CAMK2G: variants seen among roughly 807,000 people sequenced by gnomAD.
CAMK2G encodes the protein calcium/calmodulin dependent protein kinase II gamma.
In CAMK2G, 23 loss-of-function variants were observed where a neutral mutation model predicts 88.7. The observed-to-expected ratio is 0.26, with a 90% CI of 0.19 to 0.37. CAMK2G has a LOEUF of 0.37. Among genes scored for constraint, CAMK2G ranks in the 10% least tolerant of loss-of-function variants. The pLI, the probability that CAMK2G is intolerant of heterozygous loss-of-function variation, is 1.00. For synonymous variants in CAMK2G, 263 were observed against 294.8 expected, an observed-to-expected ratio of 0.89 and a Z score of 1.11; for missense variants, 476 against 780.8, an observed-to-expected ratio of 0.61 and a Z score of 4.65.
chr10:73,820,464 T>A lies in CAMK2G; in HGVS notation c.1250-819A>T, dbSNP rs941682812. 7.2e-4 allele frequency among the ~76,000 whole-genome samples: 53 copies of A among 74,032 alleles called. 1 individual carries two copies. Among genetic ancestry groups the A allele is most frequent in the South Asian group, 2.2e-3 (4 of 1,830 alleles). 48.6% of individuals were successfully genotyped at this position (74,032 alleles called of 152,430 possible). On this transcript the variant is annotated intron_variant, in intron 18 of 22. Transcript: ENST00000423381. ...TCCCAGGACTATCTGGGTTTTATAT[T>A]TATATATATATATATATATATATAT...
intron 14 of CAMK2G, among the ~76,000 whole-genome samples, chr10:73,831,992 C>T (rs1330716081): frequency 1.3e-5 from 2 of 151,384 alleles, no homozygotes; most frequent in Non-Finnish European, 2.9e-5. Flanking sequence ...CTCAAGCAAT[C>T]CTCCCACCTC....
chr10:73,817,561 G>A lies in CAMK2G; in HGVS notation c.1364-7C>T. ...ATGATCTCCTGTTTTCGCACTGTGG[G>A]GGAGAAAAATCCATCAATTTACCTA... On this transcript the variant is annotated splice_region_variant and splice_polypyrimidine_tract_variant and intron_variant, in intron 19 of 22. Transcript: ENST00000423381. 5.6e-6 allele frequency: 9 copies of A among 1,607,266 alleles called. No individual in the cohort carries two copies. The highest frequency in any genetic ancestry group is 7.7e-6 in the Non-Finnish European group (9 of 1,173,758).
Position 73,874,494 on chromosome 10 carries a change from C to A in CAMK2G, c.-33G>T. ...GGCGGGCGGACGCGGCGGTGCAGCC[C>A]GCGCCGACGTCGGTGCACAGTCACC... On this transcript the variant is annotated 5_prime_UTR_variant, in exon 1 of 23. Coordinates refer to ENST00000423381, the MANE Select transcript of CAMK2G (RefSeq NM_001367534.1). The A allele has an allele frequency of 1.4e-6, 2 of 1,448,384 alleles. No homozygotes were observed. The highest frequency in any genetic ancestry group is 2.7e-5 in the South Asian group (2 of 73,110). 89.7% of individuals were successfully genotyped at this position (1,448,384 alleles called of 1,614,324 possible). A position where few individuals can be genotyped will look rare whatever the true frequency, so the allele number is the denominator to read the frequency against.
intron 1 of CAMK2G, chr10:73,873,490 G>A (rs2095918842): frequency 8.8e-6 from 9 of 1,024,440 alleles, no homozygotes; most frequent in South Asian, 4.0e-5. Flanking sequence ...GTTGAAGGTC[G>A]GGGAAGGAAA....
intron 3 of CAMK2G, 67 bp downstream of exon 3, chr10:73,860,763 G>C: frequency 1.8e-6 from 2 of 1,137,834 alleles, no homozygotes; most frequent in Non-Finnish European, 2.7e-6. Context: ...ACACACAAAA[G>C]CAGTGGATAT....
intron 4 of CAMK2G, 169 bp from the exon 5 acceptor site, chr10:73,852,488 G>C (rs1164425567): frequency 1.6e-6 from 1 of 618,190 alleles, no homozygotes; most frequent in Non-Finnish European, 2.9e-6. Context: ...GTGACACCCG[G>C]ATTCTCCTTG....
chr10:73,821,264 CA>C lies in CAMK2G; in HGVS notation c.1249+417del, dbSNP rs559064836. Among the ~76,000 whole-genome samples the C allele has an allele frequency of 4.9e-3, 744 of 152,196 alleles. 1 individual carries two copies. The highest frequency in any genetic ancestry group is 8.1e-3 in the Non-Finnish European group (551 of 68,024). ...GTGTGAGCCAGCACTCCTGGCCCAT[CA>C]CAGTCTTAAAACCAAAAGTTCTGTG... On this transcript the variant is annotated intron_variant, in intron 18 of 22. Coordinates refer to ENST00000423381, the MANE Select transcript of CAMK2G (RefSeq NM_001367534.1).
intron 21 of CAMK2G, 45 bp downstream of exon 21, chr10:73,816,978 G>C: frequency 6.2e-7 from 1 of 1,613,982 alleles, no homozygotes; most frequent in South Asian, 1.1e-5. Context: ...AGACAAAGGG[G>C]TAAAGGGGCA....
In CAMK2G at chr10:73,829,266, TTTTATTTA is replaced by T. The variant is rs55861420; in HGVS notation, c.1054-1153_1054-1146del. Among the ~76,000 whole-genome samples the T allele has an allele frequency of 3.4e-3, 473 of 141,024 alleles. 2 individuals carry two copies. The highest frequency in any genetic ancestry group is 7.4e-3 in the South Asian group (32 of 4,322). The allele number at this position is 141,024 out of a possible 152,430, so 92.5% of individuals were successfully genotyped here. A position where few individuals can be genotyped will look rare whatever the true frequency, so the allele number is the denominator to read the frequency against. On this transcript the variant is annotated intron_variant, in intron 14 of 22. Coordinates refer to ENST00000423381, the MANE Select transcript of CAMK2G (RefSeq NM_001367534.1). ...TAGTTAGGCCTCTTTTACATTGGCC[TTTTATTTA>T]TTTATTTATTTATTTATTTATTTAT...
intron 3 of CAMK2G, among the ~76,000 whole-genome samples, chr10:73,858,357 G>A (rs566240851): frequency 9.2e-5 from 14 of 152,312 alleles, no homozygotes; most frequent in Admixed American, 7.8e-4. Flanking sequence ...GAAGGACAGC[G>A]CAGTGGAGAG....
chr10:73,843,883 C>G (rs997998015), intron 10 of CAMK2G, among the ~76,000 whole-genome samples: 2 of 152,152 alleles, frequency 1.3e-5, no homozygotes, highest in Admixed American at 1.3e-4. Context: ...CTTCCACTCA[C>G]AAGCCGATCT....
rs530786690 is a variant in CAMK2G, at chr10:73,815,808, A to G, written c.1535-561T>C. The G allele has an allele frequency of 2.8e-5, 28 of 985,592 alleles. 2 individuals carry two copies. In the South Asian group the frequency reaches 1.3e-3, roughly 45 times the overall value. 61.1% of individuals were successfully genotyped at this position (985,592 alleles called of 1,614,324 possible). ...GAATCATCAAAGCACCAAGCTCAGGATATTCCCAGGATTCTCTGGGGAAAA... is the reference window on the plus strand; with the variant it reads ...GAATCATCAAAGCACCAAGCTCAGGGTATTCCCAGGATTCTCTGGGGAAAA... On this transcript the variant is annotated intron_variant, in intron 21 of 22. Transcript: ENST00000423381.
In CAMK2G at chr10:73,848,484, G is replaced by A; in HGVS notation, c.601+42C>T. 1.6e-6 allele frequency: 2 copies of A among 1,271,664 alleles called. No individual in the cohort carries two copies. The highest frequency in any genetic ancestry group is 3.4e-5 in the Admixed American group (2 of 58,748). The allele number at this position is 1,271,664 out of a possible 1,614,324, so 78.8% of individuals were successfully genotyped here. A position where few individuals can be genotyped will look rare whatever the true frequency, so the allele number is the denominator to read the frequency against. The stretch of plus-strand genomic sequence containing the variant: ...TTTCTTGCCATCATCGGAAGTTGAG[G>A]GCCCTTAACAGCGAAAAGCTGAGAG... On this transcript the variant is annotated intron_variant, in intron 8 of 22. Coordinates refer to ENST00000423381, the MANE Select transcript of CAMK2G (RefSeq NM_001367534.1). This position sits in a 1 kb window ranked among gnomAD's most constrained non-coding sequence, Gnocchi z 4.5.
At chr10:73,862,472 G>A (rs976757075) in intron 2 of CAMK2G, among the ~76,000 whole-genome samples, 2 of 152,210 alleles carry the variant, frequency 1.3e-5, no homozygotes, top group East Asian at 1.9e-4. Context: ...AACAGTAGTC[G>A]CCATAACAAT....
chr10:73,853,121 C>A (rs1225685008), intron 4 of CAMK2G, 71 bp downstream of exon 4: 4 of 1,423,276 alleles, frequency 2.8e-6, no homozygotes, highest in Non-Finnish European at 4.0e-6. Context: ...CCTGTTTAGG[C>A]CTCTTCCTGA....
chr10:73,866,161 C>T (rs2095583549), intron 2 of CAMK2G, among the ~76,000 whole-genome samples: 1 of 152,188 alleles, frequency 6.6e-6, no homozygotes, highest in South Asian at 2.1e-4. Flanking sequence ...CCCAACCTCT[C>T]CCGCCTTCTG....
chr10:73,829,933 G>A (rs2092127487), intron 14 of CAMK2G, among the ~76,000 whole-genome samples: 1 of 152,172 alleles, frequency 6.6e-6, no homozygotes, highest in African/African-American at 2.4e-5. Flanking sequence ...TTTCTAACTT[G>A]CACTGAATCA....
At chr10:73,847,008 G>A (rs1005474690) in intron 10 of CAMK2G, 2 of 539,330 alleles carry the variant, frequency 3.7e-6, no homozygotes, top group African/African-American at 3.8e-5. Flanking sequence ...AGCCATGAGT[G>A]GGGGAGAGAG....
intron 3 of CAMK2G, among the ~76,000 whole-genome samples, chr10:73,856,038 G>A (rs1183138698): frequency 6.6e-6 from 1 of 152,072 alleles, no homozygotes; most frequent in Non-Finnish European, 1.5e-5. Flanking sequence ...CTCCTGAGAG[G>A]CTGGGACCAC....
Sources: gnomAD v4.1 joint callset for allele counts (sites outside exome capture counted in the v4.1 genomes callset) on GRCh38, gnomAD v4.1.1 for gene constraint, Gnocchi (gnomAD v3.1) non-coding constraint, MANE v1.5 for transcripts, NCBI Gene and HGNC (gene_info 2026-07-23, HGNC 2026-07-21) for gene names.